The following JAG1 variants were observed in gnomAD, a reference collection of about 807,000 sequenced individuals.
The protein encoded by JAG1 is protein jagged-1.
In JAG1, 23 loss-of-function variants were observed where a neutral mutation model predicts 148.7. That is an observed-to-expected ratio of 0.15 (90% CI 0.11 to 0.22). JAG1 has a LOEUF of 0.22. JAG1 is among the 10% of genes least tolerant of loss of function. The pLI is 1.00. For synonymous variants in JAG1, 572 were observed against 598.3 expected (o/e 0.96, Z 0.64); for missense variants, 1,054 against 1,611.2 (o/e 0.65, Z 5.92).
intron 23 of JAG1, 90 bp from the exon 24 acceptor site, chr20:10,641,334 A>G: frequency 6.4e-7 from 1 of 1,566,532 alleles, no homozygotes; most frequent in South Asian, 1.1e-5. Context: ...GCTAAGTTCA[A>G]GCTTACTTTA....
At chr20:10,666,237 TA>T (rs1219957734) in intron 2 of JAG1, among the ~76,000 whole-genome samples, 1 of 152,146 alleles carries the variant, frequency 6.6e-6, no homozygotes, top group Non-Finnish European at 1.5e-5. Flanking sequence ...ATCCCCACAC[TA>T]TAGATCAGCA....
chr20:10,646,813 G>A (rs2067312187), intron 14 of JAG1, 126 bp downstream of exon 14: 12 of 968,970 alleles, frequency 1.2e-5, no homozygotes, highest in East Asian at 7.2e-5. Context: ...CAACAACAGC[G>A]AAATTCGGTC....
chr20:10,672,893 C>A lies in JAG1; in HGVS notation c.195G>T (p.Lys65Asn), dbSNP rs754095380. Residue 65 changes from lysine (K) to asparagine (N), a missense_variant, in exon 2 of 26, where the codon AAG (lysine) becomes AAT (asparagine). Lys to Asn is a moderately conservative substitution (Grantham distance 94). This residue lies in a region of JAG1 where 151 missense variants were observed against 211.1 expected (regional missense o/e 0.72). Transcript: ENST00000254958. Reference sequence around the variant, plus strand: ...ATGTGTCACACTCGTCGCGGGTGCACTTGCGGTCTCCCGGGTTCCGGGCGC... The same window carrying A: ...ATGTGTCACACTCGTCGCGGGTGCAATTGCGGTCTCCCGGGTTCCGGGCGC... ...CGGARNPGDRKCTRDECDTYF... is the reference protein window; with the variant it reads ...CGGARNPGDRNCTRDECDTYF... The A allele has an allele frequency of 2.5e-6, 4 of 1,613,152 alleles. No homozygotes were observed. The highest frequency in any genetic ancestry group is 8.5e-7 in the Non-Finnish European group (1 of 1,180,048).
chr20:10,646,933 T>A lies in JAG1; in HGVS notation c.1885+6A>T. 1 of 1,612,510 alleles carries A rather than the reference T, an allele frequency of 6.2e-7. No individual in the cohort carries two copies. Among genetic ancestry groups the A allele is most frequent in the East Asian group, 2.2e-5 (1 of 44,830 alleles). ...ACTGGTCCATTCCCGGATGAGGGAGTCTTACTTTCATGGCAGTATGTTCCC... is the reference window on the plus strand; with the variant it reads ...ACTGGTCCATTCCCGGATGAGGGAGACTTACTTTCATGGCAGTATGTTCCC... On this transcript the variant is annotated splice_donor_region_variant and intron_variant, in intron 14 of 25. Coordinates refer to ENST00000254958, the MANE Select transcript of JAG1 (RefSeq NM_000214.3).
At chr20:10,662,315 A>G (rs375032264) in intron 3 of JAG1, 2 of 152,288 alleles carry the variant, frequency 1.3e-5, no homozygotes, top group South Asian at 2.1e-4. Context: ...GTAGCTCTGG[A>G]CAAGCCCTGG....
At chr20:10,670,204 G>A (rs977428964) in intron 2 of JAG1, among the ~76,000 whole-genome samples, 5 of 152,134 alleles carry the variant, frequency 3.3e-5, no homozygotes. Context: ...CAGTTGCTTG[G>A]ATAGGGGTCA....
intron 4 of JAG1, among the ~76,000 whole-genome samples, chr20:10,657,373 CA>C (rs1287326735): frequency 2.0e-5 from 3 of 147,046 alleles, no homozygotes; most frequent in Non-Finnish European, 4.5e-5. Flanking sequence ...AAACACCAAA[CA>C]AAAAACCCAC....
chr20:10,641,793 G>T lies in JAG1; in HGVS notation c.2672C>A (p.Ala891Asp). ...NTCQCLNGRI[A>D]CSKVWCGPRP... ...GCCATCATGTCCTACCTTTGAGCAG[G>T]CGATCCGTCCATTCAGGCACTGGCA... The change falls in exon 22 of 26, where the codon GCC becomes GAC. Residue 891 changes from alanine to aspartate, a missense_variant. By Grantham distance (126) the Ala-to-Asp change is moderately radical. Transcript: ENST00000254958. The T allele has an allele frequency of 1.2e-6, 2 of 1,613,680 alleles. No individual in the cohort carries two copies. The highest frequency in any genetic ancestry group is 2.2e-5 in the South Asian group (2 of 91,064).
chr20:10,661,740 G>A (rs944198134), intron 3 of JAG1, among the ~76,000 whole-genome samples: 1 of 152,180 alleles, frequency 6.6e-6, no homozygotes, highest in Non-Finnish European at 1.5e-5. Context: ...AAGCACTAGA[G>A]GTGAGTCAGA....
chr20:10,640,666 G>T, intron 25 of JAG1, 117 bp downstream of exon 25: 1 of 1,054,154 alleles, frequency 9.5e-7, no homozygotes, highest in Non-Finnish European at 1.5e-6. Context: ...CAGTTAAATT[G>T]GGAGCTCCTG....
intron 21 of JAG1, among the ~76,000 whole-genome samples, 157 bp from the exon 22 acceptor site, chr20:10,642,049 G>C (rs1040776844): frequency 8.5e-5 from 13 of 152,090 alleles, no homozygotes; most frequent in African/African-American, 3.1e-4. Flanking sequence ...GCCTTTGCTG[G>C]CTCTGCGCTT....
chr20:10,647,806 C>T (rs1241838359), intron 13 of JAG1, among the ~76,000 whole-genome samples, 154 bp downstream of exon 13: 4 of 152,200 alleles, frequency 2.6e-5, no homozygotes, highest in Admixed American at 6.5e-5. Flanking sequence ...ATTGTTTCCA[C>T]GTGTTGCGGC....
chr20:10,644,552 A>T, intron 18 of JAG1, 168 bp from the exon 19 acceptor site: 2 of 695,030 alleles, frequency 2.9e-6, no homozygotes, highest in Non-Finnish European at 5.2e-6. Flanking sequence ...ACTTAGTTTC[A>T]TTTGCTGTGG....
At chr20:10,644,274 T>TCA (rs1491263633) in intron 19 of JAG1, 83 bp downstream of exon 19, 42 of 688,464 alleles carry the variant, frequency 6.1e-5, no homozygotes, top group Non-Finnish European at 8.2e-5. Flanking sequence ...CCTGGGTGAT[T>TCA]CTCACACACA....
chr20:10,650,371 A>G lies in JAG1; in HGVS notation c.1121-11T>C. On this transcript the variant is annotated splice_polypyrimidine_tract_variant and intron_variant, in intron 8 of 25. Transcript: ENST00000254958. ...AACAGTCATCAATGTCTGGTCAACA[A>G]GAAAAGGAGGGGGTTGACAATTTAA... 2 of 1,475,932 alleles carry G rather than the reference A, an allele frequency of 1.4e-6. No individual in the cohort carries two copies. The highest frequency in any genetic ancestry group is 1.9e-6 in the Non-Finnish European group (2 of 1,054,746). The allele number at this position is 1,475,932 out of a possible 1,614,324, so 91.4% of individuals were successfully genotyped here. A position where few individuals can be genotyped will look rare whatever the true frequency, so the allele number is the denominator to read the frequency against.
At chr20:10,644,405 A>C in intron 18 of JAG1, 21 bp from the exon 19 acceptor site, 8 of 1,607,658 alleles carry the variant, frequency 5.0e-6, no homozygotes, top group Non-Finnish European at 6.8e-6. Context: ...AAGACAACTT[A>C]ATAGTGAGGA....
In JAG1 at chr20:10,641,259, A is replaced by T. The variant is rs2122595985; in HGVS notation, c.2917-15T>A. The T allele has an allele frequency of 2.5e-6, 4 of 1,613,192 alleles. No homozygotes were observed. Among genetic ancestry groups the T allele is most frequent in the Non-Finnish European group, 3.4e-6 (4 of 1,179,836 alleles). On this transcript the variant is annotated splice_polypyrimidine_tract_variant and intron_variant, in intron 23 of 25. Coordinates refer to ENST00000254958, the MANE Select transcript of JAG1 (RefSeq NM_000214.3). ...GTAGTAAGACCCTAAAACGATTTTT[A>T]AAAACCCACACACGTGTAAGATTGA...
At chr20:10,647,169 G>T in intron 13 of JAG1, 66 bp from the exon 14 acceptor site, 1 of 1,597,358 alleles carries the variant, frequency 6.3e-7, no homozygotes, top group Middle Eastern at 1.7e-4. Context: ...CTAAGCCAAG[G>T]GCCTGGGCCA....
chr20:10,668,183 C>T (rs2067470083), intron 2 of JAG1, among the ~76,000 whole-genome samples: 1 of 151,754 alleles, frequency 6.6e-6, no homozygotes, highest in Non-Finnish European at 1.5e-5. Flanking sequence ...ACAACACAGC[C>T]ACCCAGTGCC....
Sources: gnomAD v4.1 joint callset for allele counts (sites outside exome capture counted in the v4.1 genomes callset) on GRCh38, gnomAD v4.1.1 for gene constraint, gnomAD v4.1.1 regional missense constraint, MANE v1.5 for transcripts, NCBI Gene and HGNC (gene_info 2026-07-23, HGNC 2026-07-21) for gene names.